The following KAT6A variants were observed in gnomAD, a reference collection of about 807,000 sequenced individuals.
KAT6A encodes the protein lysine acetyltransferase 6A.
KAT6A carries 9 observed loss-of-function variants against 198.4 expected under a neutral mutation model. That is an observed-to-expected ratio of 0.05 (90% CI 0.03 to 0.08). The LOEUF is 0.08. Among genes scored for constraint, KAT6A ranks in the 10% least tolerant of loss-of-function variants. The pLI, the probability that KAT6A is intolerant of heterozygous loss-of-function variation, is 1.00. For missense variants in KAT6A, 2,077 were observed against 2,509.9 expected (o/e 0.83, Z 3.69); for synonymous variants, 890 against 883.0 (o/e 1.01, Z -0.14).
At chr8:42,005,959 C>T (rs994456625) in intron 2 of KAT6A, among the ~76,000 whole-genome samples, 2 of 152,192 alleles carry the variant, frequency 1.3e-5, no homozygotes, top group African/African-American at 4.8e-5. Context: ...GGGATACTAA[C>T]CCTATGGGGA....
intron 2 of KAT6A, among the ~76,000 whole-genome samples, chr8:42,038,791 A>G (rs946101997): frequency 6.6e-6 from 1 of 152,210 alleles, no homozygotes; most frequent in Admixed American, 6.5e-5. Context: ...CATAAAAGAT[A>G]CCTCAATCAA....
intron 15 of KAT6A, among the ~76,000 whole-genome samples, chr8:41,938,651 T>C (rs1383471654): frequency 6.6e-6 from 1 of 152,040 alleles, no homozygotes; most frequent in Non-Finnish European, 1.5e-5. Flanking sequence ...ACAGTATATA[T>C]GTTAAACACA....
At chr8:42,026,471 T>C (rs1265796361) in intron 2 of KAT6A, among the ~76,000 whole-genome samples, 9 of 152,196 alleles carry the variant, frequency 5.9e-5, no homozygotes, top group Admixed American at 1.3e-4. Flanking sequence ...GTTTCCCTTA[T>C]AGAGGTCTTC....
chr8:41,936,070 T>C (rs1001131258), intron 16 of KAT6A, among the ~76,000 whole-genome samples: 2 of 152,056 alleles, frequency 1.3e-5, no homozygotes, highest in Non-Finnish European at 2.9e-5. Context: ...GAGACCAGCC[T>C]GGCCAACATG....
At position 41,930,728 on chromosome 8, in the gene KAT6A, ATTTTT is replaced by A. The variant is rs555392181; in HGVS notation, c.*1472_*1476del. The A allele has an allele frequency of 9.6e-3, 649 of 67,470 alleles. 22 individuals are homozygous for A. Among genetic ancestry groups the A allele is most frequent in the African/African-American group, 0.032 (570 of 17,634 alleles). The allele number at this position is 67,470 out of a possible 1,614,324, so 4.2% of individuals were successfully genotyped here. A position where few individuals can be genotyped will look rare whatever the true frequency, so the allele number is the denominator to read the frequency against. ...TGTGTGTGTATATATATATATATAT[ATTTTT>A]TTTTTTTTTTTTTTTTTTTTTACCT... On this transcript the variant is annotated 3_prime_UTR_variant, in exon 17 of 17. Transcript: ENST00000265713.
At position 41,932,702 on chromosome 8, in the gene KAT6A, G is replaced by C; in HGVS notation, c.5518C>G (p.Pro1840Ala). The C allele has an allele frequency of 6.2e-7, 1 of 1,614,242 alleles. No individual in the cohort carries two copies. ...TGCCCTTGCAATCTCTGCGTGTGAGGAATGCCAATGTTGGTGGCAGACATG... is the reference window on the plus strand; with the variant it reads ...TGCCCTTGCAATCTCTGCGTGTGAGCAATGCCAATGTTGGTGGCAGACATG... ...CNMSATNIGI[P>A]HTQRLQGQMP... The change falls in exon 17 of 17, where the codon CCT becomes GCT. Residue 1840 changes from proline (P) to alanine (A), a missense_variant. By Grantham distance (27) the Pro-to-Ala change is conservative. This residue lies in a region of KAT6A where 500 missense variants were observed against 577.2 expected (regional missense o/e 0.87). Transcript: ENST00000265713.
In KAT6A at chr8:41,984,552, C is replaced by T. The variant is rs376468783; in HGVS notation, c.710-2598G>A. Among the ~76,000 whole-genome samples the T allele has an allele frequency of 2.6e-5, 4 of 152,126 alleles. No individual in the cohort carries two copies. The East Asian group carries it at 5.8e-4, about 22-fold the overall frequency. ...TCAAAACCACCCAGATAAGCAACTC[C>T]CAAATTCCTGACCTACAGAAACAGT... On this transcript the variant is annotated intron_variant, in intron 3 of 16. Coordinates refer to ENST00000265713, the MANE Select transcript of KAT6A (RefSeq NM_006766.5).
chr8:41,947,675 T>C (rs1294099509), intron 11 of KAT6A, 76 bp downstream of exon 11: 2 of 1,205,114 alleles, frequency 1.7e-6, no homozygotes, highest in South Asian at 1.3e-5. Context: ...TCTTGTTGTG[T>C]CCCCGAGTGA....
At chr8:42,020,298 G>A (rs969067814) in intron 2 of KAT6A, among the ~76,000 whole-genome samples, 1 of 152,160 alleles carries the variant, frequency 6.6e-6, no homozygotes, top group Admixed American at 6.5e-5. Context: ...TTTATTTACA[G>A]AAAGAGTTTG....
In KAT6A at chr8:42,047,845, A is replaced by G. The variant is rs576332549; in HGVS notation, c.600+533T>C. ...AAGCTATAATACAAACAGCAGAAAC[A>G]AGAATTGCTAAGTTTGCTTAGTTGC... On this transcript the variant is annotated intron_variant, in intron 2 of 16. Coordinates refer to ENST00000265713, the MANE Select transcript of KAT6A (RefSeq NM_006766.5). Among the ~76,000 whole-genome samples, 29 of 152,306 alleles carry G rather than the reference A, an allele frequency of 1.9e-4. No homozygotes were observed. The East Asian group carries it at 4.8e-3, about 25-fold the overall frequency.
chr8:41,987,855 A>T (rs1824701651), intron 2 of KAT6A, among the ~76,000 whole-genome samples: 2 of 152,334 alleles, frequency 1.3e-5, no homozygotes, highest in South Asian at 4.1e-4. Flanking sequence ...GCAAACCCTT[A>T]AGATTGAAAA....
chr8:42,027,192 G>C (rs1826861378), intron 2 of KAT6A, among the ~76,000 whole-genome samples: 1 of 152,126 alleles, frequency 6.6e-6, no homozygotes. Flanking sequence ...GTATTTTGTT[G>C]AGGATTTTTG....
chr8:42,026,607 TG>T (rs938423982), intron 2 of KAT6A, among the ~76,000 whole-genome samples: 1 of 152,214 alleles, frequency 6.6e-6, no homozygotes, highest in African/African-American at 2.4e-5. Context: ...TTTTGTATGT[TG>T]ATTTTGTATC....
Position 41,962,806 on chromosome 8 carries a change from C to T in KAT6A, c.1483-7395G>A, listed in dbSNP as rs142225338. On this transcript the variant is annotated intron_variant, in intron 8 of 16. Transcript: ENST00000265713. Reference sequence around the variant, plus strand: ...GCTATTTTGAGCCTTATGTATTTGGCTCTAGTCACACTGGCCTCCTTGTAC... The same window carrying T: ...GCTATTTTGAGCCTTATGTATTTGGTTCTAGTCACACTGGCCTCCTTGTAC... Among the ~76,000 whole-genome samples the T allele has an allele frequency of 3.5e-3, 530 of 152,266 alleles. 8 individuals are homozygous for T. The highest frequency in any genetic ancestry group is 0.026 in the East Asian group (133 of 5,182).
intron 8 of KAT6A, among the ~76,000 whole-genome samples, chr8:41,959,960 G>GA (rs879899085): frequency 0.024 from 2,708 of 113,872 alleles, 53 homozygotes; most frequent in African/African-American, 0.065. Context: ...TGTCTTTAAA[G>GA]AAAAAAAAAA....
intron 2 of KAT6A, among the ~76,000 whole-genome samples, chr8:42,000,116 T>C (rs1825414157): frequency 6.6e-6 from 1 of 152,250 alleles, no homozygotes; most frequent in Non-Finnish European, 1.5e-5. Flanking sequence ...TGGTATTTAC[T>C]TATGCAACTG....
rs1564003902 is a variant in KAT6A, at chr8:41,933,382, CCCATGCTGG to C, written c.4829_4837del (p.Ala1610_Met1612del). ...CTGCTGCATCATGCTGCAGCTGCTG[CCCATGCTGG>C]CCATCTGCTGAGTGACCACACAGCT... On this transcript the variant is annotated inframe_deletion, in exon 17 of 17. Coordinates refer to ENST00000265713, the MANE Select transcript of KAT6A (RefSeq NM_006766.5). The surrounding 1 kb of genome is among the most constrained non-coding windows in gnomAD (Gnocchi z 6.2). 6.2e-7 allele frequency: 1 copy of C among 1,603,362 alleles called. No homozygotes were observed. The highest frequency in any genetic ancestry group is 8.5e-7 in the Non-Finnish European group (1 of 1,176,758).
intron 9 of KAT6A, 115 bp from the exon 10 acceptor site, chr8:41,949,478 A>C (rs1406184102): frequency 1.6e-6 from 1 of 621,268 alleles, no homozygotes; most frequent in East Asian, 3.3e-5. Flanking sequence ...GTTAAAAAAA[A>C]AACTGCATAT....
intron 8 of KAT6A, among the ~76,000 whole-genome samples, chr8:41,964,075 A>T (rs114274608): frequency 1.2e-3 from 177 of 152,326 alleles, no homozygotes; most frequent in African/African-American, 3.9e-3. Context: ...CTTCCTGTTC[A>T]TTCTCACTGC....
Sources: gnomAD v4.1 joint callset for allele counts (sites outside exome capture counted in the v4.1 genomes callset) on GRCh38, gnomAD v4.1.1 for gene constraint, gnomAD v4.1.1 regional missense constraint, Gnocchi (gnomAD v3.1) non-coding constraint, MANE v1.5 for transcripts, NCBI Gene and HGNC (gene_info 2026-07-23, HGNC 2026-07-21) for gene names.